Variants in LTBP1 observed in about 807,000 individuals in gnomAD.
LTBP1 encodes latent-transforming growth factor beta-binding protein 1.
In LTBP1, 129 loss-of-function variants were observed where a neutral mutation model predicts 207.6. The observed-to-expected ratio is 0.62, with a 90% CI of 0.54 to 0.72. LTBP1 has a LOEUF of 0.72. Among genes scored for constraint, LTBP1 ranks in the 30% least tolerant of loss-of-function variants. LTBP1 has a pLI of 0.00. For missense variants in LTBP1, 2,281 were observed against 2,217.2 expected, an observed-to-expected ratio of 1.03 and a Z score of -0.58; for synonymous variants, 963 against 833.7, an observed-to-expected ratio of 1.16 and a Z score of -2.67.
rs781650549 is a variant in LTBP1 at position 33,262,758 on chromosome 2, G to C, written c.2455G>C (p.Glu819Gln). 2 of 1,602,956 alleles carry C rather than the reference G, an allele frequency of 1.2e-6. No homozygotes were observed. The highest frequency in any genetic ancestry group is 1.7e-6 in the Non-Finnish European group (2 of 1,173,790). The change falls in exon 14 of 34, where the codon GAG (glutamate) becomes CAG (glutamine). Residue 819 changes from glutamate (E) to glutamine (Q), a missense_variant. By Grantham distance (29) the Glu-to-Gln change is conservative. Coordinates refer to ENST00000404816, the MANE Select transcript of LTBP1 (RefSeq NM_206943.4). The stretch of plus-strand genomic sequence containing the variant: ...ATTGGATCAAGAGAAAACCAAACTT[G>C]AGCCTGGTCAACCCCAGCTGTCTCC... ...PSLDQEKTKL[E>Q]PGQPQLSPGI...
chr2:33,042,974 G>C (rs1293299206), intron 3 of LTBP1, among the ~76,000 whole-genome samples: 2 of 152,156 alleles, frequency 1.3e-5, no homozygotes, highest in Non-Finnish European at 2.9e-5. Context: ...GGCCTTCTGG[G>C]CATCTGACTA....
chr2:33,389,246 G>T lies in LTBP1; in HGVS notation c.4774G>T (p.Ala1592Ser). The T allele has an allele frequency of 6.2e-7, 1 of 1,614,164 alleles. No homozygotes were observed. Among genetic ancestry groups the T allele is most frequent in the Non-Finnish European group, 8.5e-7 (1 of 1,180,032 alleles). Reference sequence around the variant, plus strand: ...ACGCCGGCAGCCATATGGACGGGACGCCTTGGTTGACTTCAGTGAACAGTA... The same window carrying T: ...ACGCCGGCAGCCATATGGACGGGACTCCTTGGTTGACTTCAGTGAACAGTA... ...TGRRQPYGRD[A>S]LVDFSEQYTP... is the part of the protein sequence containing the mutation. The change falls in exon 32 of 34, where the codon GCC (alanine) becomes TCC (serine). Residue 1592 changes from alanine to serine, a missense_variant. Around this residue, in one of 3 missense-constraint regions of LTBP1, gnomAD observed 1,671 missense variants for 1,634.8 expected, o/e 1.02. Coordinates refer to ENST00000404816, the MANE Select transcript of LTBP1 (RefSeq NM_206943.4).
intron 3 of LTBP1, among the ~76,000 whole-genome samples, chr2:33,080,939 A>C (rs1321795560): frequency 6.6e-6 from 1 of 152,258 alleles, no homozygotes; most frequent in Non-Finnish European, 1.5e-5. Context: ...ACAGGTTAAT[A>C]AGAGAAAAGC....
intron 5 of LTBP1, among the ~76,000 whole-genome samples, chr2:33,139,886 G>A (rs1338091566): frequency 6.6e-6 from 1 of 152,214 alleles, no homozygotes; most frequent in Non-Finnish European, 1.5e-5. Flanking sequence ...AGGCAGATTG[G>A]TGCAAGGCTG....
Position 33,397,401 on chromosome 2 carries a change from C to G in LTBP1, c.4984+119C>G. On this transcript the variant is annotated intron_variant, in intron 33 of 33. Coordinates refer to ENST00000404816, the MANE Select transcript of LTBP1 (RefSeq NM_206943.4). ...TCAGTTTGAGAAGATGAGAAAAGTT[C>G]TGGAGATGTACATTAAGTACAGTAT... 3.6e-6 allele frequency: 4 copies of G among 1,114,020 alleles called. No individual in the cohort carries two copies. In the South Asian group the frequency reaches 5.8e-5, roughly 16 times the overall value. 69.0% of individuals were successfully genotyped at this position (1,114,020 alleles called of 1,614,324 possible). A position where few individuals can be genotyped will look rare whatever the true frequency, so the allele number is the denominator to read the frequency against.
chr2:33,033,872 A>G (rs1419940138), intron 3 of LTBP1, among the ~76,000 whole-genome samples: 1 of 152,212 alleles, frequency 6.6e-6, no homozygotes, highest in Non-Finnish European at 1.5e-5. Context: ...GCGTATGGAC[A>G]GTTTCAGCAG....
intron 21 of LTBP1, among the ~76,000 whole-genome samples, chr2:33,300,871 ATTAAT>A (rs1310205427): frequency 6.6e-6 from 1 of 152,198 alleles, no homozygotes; most frequent in African/African-American, 2.4e-5. Context: ...AAACATGTAA[ATTAAT>A]TTAAAGTTTT....
intron 2 of LTBP1, among the ~76,000 whole-genome samples, chr2:33,002,272 C>T (rs1255895501): frequency 1.3e-5 from 2 of 152,206 alleles, no homozygotes; most frequent in Non-Finnish European, 2.9e-5. Context: ...TACCCTTGAA[C>T]AAATGCAAGG....
intron 2 of LTBP1, among the ~76,000 whole-genome samples, chr2:32,987,201 G>A (rs1356791919): frequency 1.3e-5 from 2 of 152,198 alleles, no homozygotes; most frequent in East Asian, 3.8e-4. Flanking sequence ...TATGTGATTG[G>A]ATGGGGTGGG....
chr2:33,151,823 TTGTGTGTGTGTGTGTGTGTGTG>T (rs10526529), intron 5 of LTBP1, among the ~76,000 whole-genome samples: 3,148 of 129,480 alleles, frequency 0.024, 52 homozygotes, highest in Non-Finnish European at 0.038. Flanking sequence ...GTATTCCATT[TTGTGTGTGTGTGTGTGTGTGTG>T]TGTGTGTGTG....
At chr2:33,298,760 G>A (rs1000672716) in intron 20 of LTBP1, among the ~76,000 whole-genome samples, 4 of 151,812 alleles carry the variant, frequency 2.6e-5, no homozygotes, top group Non-Finnish European at 5.9e-5. Context: ...GAACACAATT[G>A]GTAAAACAAA....
intron 2 of LTBP1, among the ~76,000 whole-genome samples, chr2:32,969,901 A>C (rs1386114585): frequency 6.6e-6 from 1 of 152,120 alleles, no homozygotes; most frequent in Non-Finnish European, 1.5e-5. Context: ...GTGTATAAAC[A>C]TTCCCTTTTT....
intron 5 of LTBP1, among the ~76,000 whole-genome samples, chr2:33,150,898 G>T (rs1453220301): frequency 6.6e-6 from 1 of 150,678 alleles, no homozygotes; most frequent in East Asian, 2.0e-4. Flanking sequence ...ACCATGCCTG[G>T]CTAATTTTTA....
chr2:33,176,625 A>T (rs2086087673), intron 5 of LTBP1, among the ~76,000 whole-genome samples: 1 of 152,228 alleles, frequency 6.6e-6, no homozygotes, highest in Non-Finnish European at 1.5e-5. Context: ...GAAATTCAAC[A>T]GCCCAGCACT....
intron 3 of LTBP1, chr2:33,056,355 C>CT (rs1233521981): frequency 2.4e-6 from 3 of 1,248,478 alleles, no homozygotes; most frequent in Non-Finnish European, 3.1e-6. Flanking sequence ...GGCTTTGTGG[C>CT]TTTCGGTTTT....
intron 3 of LTBP1, among the ~76,000 whole-genome samples, chr2:33,053,161 G>A (rs908109624): frequency 6.6e-6 from 1 of 152,138 alleles, no homozygotes; most frequent in African/African-American, 2.4e-5. Flanking sequence ...GTAAGCCACC[G>A]CGCCTGGCCT....
chr2:33,294,482 C>T (rs545413044), intron 20 of LTBP1, among the ~76,000 whole-genome samples: 1 of 152,142 alleles, frequency 6.6e-6, no homozygotes, highest in Non-Finnish European at 1.5e-5. Context: ...CAGGCGTGAG[C>T]CACCACACCT....
At chr2:33,059,319 A>G (rs1018859396) in intron 3 of LTBP1, among the ~76,000 whole-genome samples, 1 of 152,256 alleles carries the variant, frequency 6.6e-6, no homozygotes, top group South Asian at 2.1e-4. Context: ...TCAAGCGTAC[A>G]GTGCTTTGAA....
At chr2:32,957,668 G>C (rs779468808) in intron 2 of LTBP1, among the ~76,000 whole-genome samples, 1 of 152,184 alleles carries the variant, frequency 6.6e-6, no homozygotes, top group East Asian at 1.9e-4. Context: ...TCCAGAATGT[G>C]ACACAGAGAC....
Sources: allele counts gnomAD v4.1 joint callset (sites outside exome capture counted in the v4.1 genomes callset), GRCh38; gene constraint gnomAD v4.1.1; regional missense constraint gnomAD v4.1.1; transcripts MANE v1.5; gene names NCBI Gene and HGNC (gene_info 2026-07-23, HGNC 2026-07-21).